MSRB3: variants seen among roughly 807,000 people sequenced by gnomAD.
The protein encoded by MSRB3 is methionine sulfoxide reductase B3.
In MSRB3, 13 loss-of-function variants were observed where a neutral mutation model predicts 21.0. That is an observed-to-expected ratio of 0.62 (90% CI 0.40 to 0.98). The LOEUF (loss-of-function observed/expected upper bound fraction) is 0.98. MSRB3 is among the 50% of genes least tolerant of loss of function. MSRB3 has a pLI of 0.00. For missense variants in MSRB3, 199 were observed against 230.3 expected (o/e 0.86, Z 0.88); for synonymous variants, 87 against 88.6 (o/e 0.98, Z 0.10).
chr12:65,298,491 T>C (rs906836236), intron 1 of MSRB3, among the ~76,000 whole-genome samples: 4 of 152,204 alleles, frequency 2.6e-5, no homozygotes, highest in Non-Finnish European at 5.9e-5. Context: ...AGTAGAAATT[T>C]TGCAAAATAT....
At chr12:65,339,090 T>TA (rs1352352767) in intron 4 of MSRB3, among the ~76,000 whole-genome samples, 1 of 151,860 alleles carries the variant, frequency 6.6e-6, no homozygotes, top group African/African-American at 2.4e-5. Flanking sequence ...AAAATAAAAA[T>TA]AAAAATAAAA....
At chr12:65,354,552 T>C (rs1174345820) in intron 4 of MSRB3, among the ~76,000 whole-genome samples, 1 of 152,024 alleles carries the variant, frequency 6.6e-6, no homozygotes, top group East Asian at 1.9e-4. Flanking sequence ...CACGTAGTTC[T>C]CTTGCCATGG....
chr12:65,465,684 G>A lies in MSRB3; in HGVS notation c.*2362G>A, dbSNP rs549239443. 2.0e-5 allele frequency: 3 copies of A among 152,150 alleles called. No individual in the cohort carries two copies. The highest frequency in any genetic ancestry group is 3.9e-4 in the East Asian group (2 of 5,142). 9.4% of individuals were successfully genotyped at this position (152,150 alleles called of 1,614,324 possible). A position where few individuals can be genotyped will look rare whatever the true frequency, so the allele number is the denominator to read the frequency against. The stretch of plus-strand genomic sequence containing the variant: ...ATCTGAGCATCCAGATGTTCCCTCA[G>A]GTTCCAAGACATTTCACCCCAGGCC... On this transcript the variant is annotated 3_prime_UTR_variant, in exon 7 of 7. Coordinates refer to ENST00000308259, the MANE Select transcript of MSRB3 (RefSeq NM_001031679.3).
chr12:65,401,991 G>T lies in MSRB3; in HGVS notation c.292+32965G>T, dbSNP rs113657020. Among the ~76,000 whole-genome samples, 383 of 152,310 alleles carry T rather than the reference G, an allele frequency of 2.5e-3. 2 individuals carry two copies. The highest frequency in any genetic ancestry group is 4.8e-3 in the Non-Finnish European group (328 of 68,034). ...CTGCAGAAAGATCTGCTGTTAGTCT[G>T]ATGGGCTTCCCTTTGTGAGTAACCT... On this transcript the variant is annotated intron_variant, in intron 5 of 6. Transcript: ENST00000308259.
At chr12:65,422,147 A>G (rs1347964951) in intron 5 of MSRB3, among the ~76,000 whole-genome samples, 1 of 151,862 alleles carries the variant, frequency 6.6e-6, no homozygotes, top group African/African-American at 2.4e-5. Context: ...GCATTACATA[A>G]TGGCAAAGGG....
At chr12:65,332,144 A>G (rs1301969979) in intron 4 of MSRB3, among the ~76,000 whole-genome samples, 1 of 152,218 alleles carries the variant, frequency 6.6e-6, no homozygotes. Context: ...TTTGAGCACA[A>G]AGTCTATTTT....
intron 4 of MSRB3, among the ~76,000 whole-genome samples, chr12:65,347,453 T>C (rs1876596557): frequency 6.6e-6 from 1 of 152,244 alleles, no homozygotes; most frequent in Non-Finnish European, 1.5e-5. Context: ...GAGACTTTGC[T>C]GAAGTTGCCT....
At chr12:65,389,026 A>G (rs2136573006) in intron 5 of MSRB3, among the ~76,000 whole-genome samples, 1 of 152,318 alleles carries the variant, frequency 6.6e-6, no homozygotes, top group Middle Eastern at 3.4e-3. Flanking sequence ...CTCGTAAATA[A>G]TGATGTTAAT....
intron 2 of MSRB3, among the ~76,000 whole-genome samples, chr12:65,318,467 T>A (rs1290956945): frequency 6.6e-6 from 1 of 152,172 alleles, no homozygotes; most frequent in African/African-American, 2.4e-5. Context: ...TTTGATTGCA[T>A]GTGAAATGTA....
Position 65,308,791 on chromosome 12 carries a change from G to T in MSRB3, c.76+136G>T, listed in dbSNP as rs927468739. The stretch of plus-strand genomic sequence containing the variant: ...GGCCCTAATTTGAAGACGGAAATTG[G>T]TTATAAATCACCACTCTACTTTGAG... On this transcript the variant is annotated intron_variant, in intron 2 of 6. Coordinates refer to ENST00000308259, the MANE Select transcript of MSRB3 (RefSeq NM_001031679.3). The T allele has an allele frequency of 1.2e-5, 14 of 1,152,022 alleles. 1 individual carries two copies. The highest frequency in any genetic ancestry group is 3.8e-6 in the Non-Finnish European group (3 of 789,476). 71.4% of individuals were successfully genotyped at this position (1,152,022 alleles called of 1,614,324 possible). A position where few individuals can be genotyped will look rare whatever the true frequency, so the allele number is the denominator to read the frequency against.
chr12:65,440,514 A>G (rs1161880199), intron 5 of MSRB3, among the ~76,000 whole-genome samples: 1 of 151,904 alleles, frequency 6.6e-6, no homozygotes, highest in Non-Finnish European at 1.5e-5. Flanking sequence ...ACAATGCATA[A>G]GAATTTAATA....
intron 5 of MSRB3, among the ~76,000 whole-genome samples, chr12:65,427,639 T>TGGCTCTG (rs1881667871): frequency 6.6e-6 from 1 of 152,164 alleles, no homozygotes. Context: ...GGAAGGAATA[T>TGGCTCTG]GGCTCTGGGC....
chr12:65,293,850 C>T (rs939164688), intron 1 of MSRB3, among the ~76,000 whole-genome samples: 2 of 152,098 alleles, frequency 1.3e-5, no homozygotes, highest in Non-Finnish European at 2.9e-5. Flanking sequence ...GAATGAGAGG[C>T]CTTCTGGCTG....
intron 2 of MSRB3, among the ~76,000 whole-genome samples, chr12:65,321,978 GATTCTA>G (rs1234697046): frequency 5.9e-5 from 9 of 151,966 alleles, no homozygotes; most frequent in Admixed American, 3.3e-4. Flanking sequence ...CGTTTTTTCT[GATTCTA>G]GAACCAAAAT....
At chr12:65,299,091 T>A (rs1223931712) in intron 1 of MSRB3, among the ~76,000 whole-genome samples, 2 of 152,210 alleles carry the variant, frequency 1.3e-5, no homozygotes, top group Non-Finnish European at 2.9e-5. Flanking sequence ...TATTTCTGTC[T>A]CACTCCTCTG....
At chr12:65,439,109 G>A (rs1282654717) in intron 5 of MSRB3, among the ~76,000 whole-genome samples, 1 of 151,496 alleles carries the variant, frequency 6.6e-6, no homozygotes, top group Non-Finnish European at 1.5e-5. Flanking sequence ...ACTAGGCCAA[G>A]GCAAACAAAA....
At chr12:65,338,079 C>G (rs1485486208) in intron 4 of MSRB3, among the ~76,000 whole-genome samples, 1 of 152,142 alleles carries the variant, frequency 6.6e-6, no homozygotes, top group Non-Finnish European at 1.5e-5. Context: ...AGAATAACAG[C>G]AATAACCTGC....
intron 5 of MSRB3, among the ~76,000 whole-genome samples, chr12:65,441,979 C>G (rs1592641719): frequency 6.6e-6 from 1 of 151,940 alleles, no homozygotes; most frequent in African/African-American, 2.4e-5. Flanking sequence ...CTTTTCTGAG[C>G]AATCTGTTCT....
At chr12:65,376,279 C>G (rs1878616456) in intron 5 of MSRB3, among the ~76,000 whole-genome samples, 1 of 152,040 alleles carries the variant, frequency 6.6e-6, no homozygotes, top group Non-Finnish European at 1.5e-5. Context: ...ACCACTGCGC[C>G]CGGCTAATTT....
Sources: gnomAD v4.1 joint callset for allele counts (sites outside exome capture counted in the v4.1 genomes callset) on GRCh38, gnomAD v4.1.1 for gene constraint, MANE v1.5 for transcripts, NCBI Gene and HGNC (gene_info 2026-07-23, HGNC 2026-07-21) for gene names.